TEK: variants seen among roughly 807,000 people sequenced by gnomAD.
The protein encoded by TEK is TEK receptor tyrosine kinase, also known as angiopoietin-1 receptor.
Under a neutral mutation model 131.8 loss-of-function variants are expected in TEK, and 43 were observed. The ratio of observed to expected loss-of-function variants is 0.33; its 90% CI spans 0.26 to 0.42. The LOEUF is 0.42. TEK is among the 10% of genes least tolerant of loss of function. The pLI is 1.00. For missense variants in TEK, 1,162 were observed against 1,384.4 expected, an observed-to-expected ratio of 0.84 and a Z score of 2.55; for synonymous variants, 580 against 491.6, an observed-to-expected ratio of 1.18 and a Z score of -2.38.
At chr9:27,167,126 A>G (rs1177771595) in intron 2 of TEK, among the ~76,000 whole-genome samples, 7 of 152,244 alleles carry the variant, frequency 4.6e-5, no homozygotes, top group Non-Finnish European at 7.3e-5. Context: ...AGAAAGTTAG[A>G]AGATTTTATT....
Position 27,190,389 on chromosome 9 carries a change from C to A in TEK, c.1328-140C>A, listed in dbSNP as rs996119613. ...AAAGCAAAGCAGAGAGCTTAGAGAG[C>A]AGGTGATCTCACTGAGTCTGAGCAG... is the stretch of plus-strand genomic sequence containing the variant. On this transcript the variant is annotated intron_variant, in intron 9 of 22. Transcript: ENST00000380036. 7.1e-5 allele frequency: 65 copies of A among 919,256 alleles called. No homozygotes were observed. The African/African-American group carries it at 9.9e-4, about 14-fold the overall frequency. The allele number at this position is 919,256 out of a possible 1,614,324, so 56.9% of individuals were successfully genotyped here.
chr9:27,157,720 T>C, intron 1 of TEK, 111 bp from the exon 2 acceptor site: 1 of 1,302,790 alleles, frequency 7.7e-7, no homozygotes, highest in East Asian at 2.3e-5. Flanking sequence ...GAATAGCATT[T>C]TAGAAAGAAT....
chr9:27,216,830 A>C (rs1825835719), intron 18 of TEK, among the ~76,000 whole-genome samples: 1 of 152,110 alleles, frequency 6.6e-6, no homozygotes, highest in African/African-American at 2.4e-5. Flanking sequence ...CCCACTGGCT[A>C]ATCTAGGTGG....
chr9:27,188,786 A>G (rs912188114), intron 9 of TEK, among the ~76,000 whole-genome samples: 5 of 152,188 alleles, frequency 3.3e-5, no homozygotes, highest in Non-Finnish European at 7.3e-5. Context: ...TACAGGGGGA[A>G]AAAGACTCAC....
At chr9:27,219,752 T>TTCC (rs1466477427) in intron 20 of TEK, among the ~76,000 whole-genome samples, 1 of 138,054 alleles carries the variant, frequency 7.2e-6, no homozygotes, top group African/African-American at 2.8e-5. Flanking sequence ...CTTATTGGTA[T>TTCC]AATAAAGGTT....
intron 3 of TEK, 140 bp downstream of exon 3, chr9:27,168,745 T>G: frequency 1.4e-6 from 1 of 720,406 alleles, no homozygotes; most frequent in East Asian, 2.8e-5. Context: ...TCAAATTCTG[T>G]GTATGATAGA....
intron 1 of TEK, among the ~76,000 whole-genome samples, chr9:27,114,008 T>C (rs1821449056): frequency 6.6e-6 from 1 of 152,222 alleles, no homozygotes; most frequent in Non-Finnish European, 1.5e-5. Context: ...GGCCAACTCT[T>C]CCTCCTGATG....
chr9:27,222,569 TAAGAG>T (rs1256830396), intron 21 of TEK, among the ~76,000 whole-genome samples: 4 of 152,116 alleles, frequency 2.6e-5, no homozygotes, highest in African/African-American at 9.7e-5. Flanking sequence ...TCAACATTCT[TAAGAG>T]AAGAATTTTC....
intron 1 of TEK, 59 bp downstream of exon 1, chr9:27,109,701 C>A: frequency 6.4e-7 from 1 of 1,564,956 alleles, no homozygotes; most frequent in Non-Finnish European, 8.8e-7. Flanking sequence ...TTAGTGATTT[C>A]TGGGTGCTCT....
At chr9:27,214,093 T>C (rs1179377303) in intron 18 of TEK, among the ~76,000 whole-genome samples, 1 of 152,230 alleles carries the variant, frequency 6.6e-6, no homozygotes, top group Non-Finnish European at 1.5e-5. Flanking sequence ...TGGTCACTAT[T>C]CAAACCCAAA....
chr9:27,199,318 T>C (rs571884442), intron 12 of TEK, among the ~76,000 whole-genome samples: 5 of 152,338 alleles, frequency 3.3e-5, no homozygotes, highest in African/African-American at 9.6e-5. Context: ...TTTACTATCA[T>C]GAACAAAATG....
Position 27,206,677 on chromosome 9 carries a change from C to G in TEK, c.2460C>G (p.Asp820Glu). The change falls in exon 15 of 23, where the codon GAC (aspartate) becomes GAG (glutamate). Residue 820 changes from aspartate (D) to glutamate (E), a missense_variant. Physicochemically the swap from Asp to Glu is conservative, Grantham distance 45. Transcript: ENST00000380036. ...NPDPTIYPVL[D>E]WNDIKFQDVI... ...ATCCTACAATTTATCCAGTGCTTGA[C>G]TGGAATGACATCAAATTTCAAGATG... 6.2e-7 allele frequency: 1 copy of G among 1,614,056 alleles called. No homozygotes were observed. The highest frequency in any genetic ancestry group is 8.5e-7 in the Non-Finnish European group (1 of 1,179,970).
intron 1 of TEK, among the ~76,000 whole-genome samples, chr9:27,116,840 G>A (rs1821579769): frequency 6.6e-6 from 1 of 150,640 alleles, no homozygotes; most frequent in Admixed American, 6.7e-5. Flanking sequence ...AATTGCTGCT[G>A]TAGCAGCCAT....
Position 27,151,016 on chromosome 9 carries a change from G to A in TEK, c.53-6815G>A, listed in dbSNP as rs187787458. 1.4e-3 allele frequency among the ~76,000 whole-genome samples: 212 copies of A among 152,254 alleles called. 1 individual carries two copies. The highest frequency in any genetic ancestry group is 4.8e-3 in the African/African-American group (201 of 41,562). ...GGGTGAGCACAGGAGTTTGTTGTTA[G>A]AGAGTCACAGCCCAGTCACATCCAG... On this transcript the variant is annotated intron_variant, in intron 1 of 22. Transcript: ENST00000380036.
At chr9:27,200,163 T>C (rs1314258878) in intron 12 of TEK, among the ~76,000 whole-genome samples, 1 of 152,212 alleles carries the variant, frequency 6.6e-6, no homozygotes, top group African/African-American at 2.4e-5. Flanking sequence ...GGTTCTCATA[T>C]TCATTTTGCA....
At chr9:27,213,240 C>T (rs544407431) in intron 17 of TEK, among the ~76,000 whole-genome samples, 3 of 152,290 alleles carry the variant, frequency 2.0e-5, no homozygotes, top group African/African-American at 4.8e-5. Context: ...CACTACATTA[C>T]AGCTGGAGGA....
At chr9:27,182,913 G>A (rs888698065) in intron 7 of TEK, among the ~76,000 whole-genome samples, 7 of 152,124 alleles carry the variant, frequency 4.6e-5, no homozygotes, top group African/African-American at 1.7e-4. Context: ...TACTTCTTTT[G>A]TGAGCAACTT....
intron 1 of TEK, among the ~76,000 whole-genome samples, chr9:27,133,524 G>A (rs12352631): frequency 0.52 from 79,521 of 152,042 alleles, 21,794 homozygotes; most frequent in African/African-American, 0.57. Context: ...ACCATATGAT[G>A]CATCCAACCT....
At chr9:27,213,661 G>A in intron 18 of TEK, 64 bp downstream of exon 18, 1 of 1,239,054 alleles carries the variant, frequency 8.1e-7, no homozygotes, top group South Asian at 1.2e-5. Flanking sequence ...TCCTGATGTT[G>A]CTTCTGAGAC....
Sources: allele counts gnomAD v4.1 joint callset (sites outside exome capture counted in the v4.1 genomes callset), GRCh38; gene constraint gnomAD v4.1.1; transcripts MANE v1.5; gene names NCBI Gene and HGNC (gene_info 2026-07-23, HGNC 2026-07-21).